FILIP1L: variants seen among roughly 807,000 people sequenced by gnomAD.
FILIP1L encodes the protein filamin A-interacting protein 1-like.
FILIP1L carries 55 observed loss-of-function variants against 96.6 expected under a neutral mutation model. That is an observed-to-expected ratio of 0.57 (90% confidence interval 0.46 to 0.71). FILIP1L has a LOEUF of 0.71. Among genes scored for constraint, FILIP1L ranks in the 30% least tolerant of loss-of-function variants. The pLI is 0.00. For synonymous variants in FILIP1L, 467 were observed against 473.9 expected (o/e 0.99, Z 0.19); for missense variants, 1,304 against 1,321.2 (o/e 0.99, Z 0.20).
chr3:100,064,332 A>G (rs1436620145), intron 1 of FILIP1L, among the ~76,000 whole-genome samples: 5 of 151,616 alleles, frequency 3.3e-5, no homozygotes, highest in Non-Finnish European at 5.9e-5. Context: ...TAAAGGACCA[A>G]TTTGCCACCA....
At chr3:99,858,591 GT>G (rs1459645847) in intron 4 of FILIP1L, among the ~76,000 whole-genome samples, 1 of 152,190 alleles carries the variant, frequency 6.6e-6, no homozygotes, top group Admixed American at 6.5e-5. Flanking sequence ...GAGTTGCATT[GT>G]TTTACATTTC....
At chr3:99,880,572 A>G (rs1705691855) in intron 4 of FILIP1L, among the ~76,000 whole-genome samples, 1 of 152,226 alleles carries the variant, frequency 6.6e-6, no homozygotes, top group Non-Finnish European at 1.5e-5. Flanking sequence ...TGATTACAGT[A>G]GTAGTGTCCA....
chr3:99,991,130 A>G (rs1471686752), intron 1 of FILIP1L, among the ~76,000 whole-genome samples: 1 of 152,204 alleles, frequency 6.6e-6, no homozygotes, highest in Non-Finnish European at 1.5e-5. Flanking sequence ...CCATAATGGA[A>G]TATAACAGGA....
chr3:99,960,437 G>C (rs1201365061), intron 1 of FILIP1L, among the ~76,000 whole-genome samples: 1 of 152,168 alleles, frequency 6.6e-6, no homozygotes, highest in Non-Finnish European at 1.5e-5. Flanking sequence ...CCAAGTGTTT[G>C]TCCCTACCCA....
At chr3:99,890,739 TC>T (rs1283077557) in intron 4 of FILIP1L, among the ~76,000 whole-genome samples, 11 of 152,098 alleles carry the variant, frequency 7.2e-5, no homozygotes, top group Non-Finnish European at 1.3e-4. Flanking sequence ...TTTTTTTTTT[TC>T]TGACATATTA....
intron 3 of FILIP1L, among the ~76,000 whole-genome samples, chr3:99,926,451 T>G (rs934985061): frequency 5.3e-5 from 8 of 152,224 alleles, no homozygotes; most frequent in Middle Eastern, 3.2e-3. Flanking sequence ...CTCTGAAAAT[T>G]TTATCTTCAG....
intron 1 of FILIP1L, among the ~76,000 whole-genome samples, chr3:100,091,233 C>T (rs1228629658): frequency 6.8e-6 from 1 of 147,410 alleles, no homozygotes; most frequent in Non-Finnish European, 1.5e-5. Context: ...TGCAGTGAGC[C>T]GAGATTGCGC....
chr3:99,876,253 T>A, intron 4 of FILIP1L: 1 of 982,850 alleles, frequency 1.0e-6, no homozygotes, highest in Non-Finnish European at 1.2e-6. Context: ...TGTGCGGCGC[T>A]GTCGGCGGGG....
chr3:100,030,548 G>T (rs549110333), intron 1 of FILIP1L, among the ~76,000 whole-genome samples: 24 of 152,216 alleles, frequency 1.6e-4, no homozygotes, highest in Admixed American at 1.3e-3. Flanking sequence ...TTTTCCCGTT[G>T]AGAGCACCTG....
intron 1 of FILIP1L, among the ~76,000 whole-genome samples, chr3:100,036,286 AG>A (rs1186642045): frequency 6.6e-6 from 1 of 152,200 alleles, no homozygotes; most frequent in African/African-American, 2.4e-5. Flanking sequence ...TTCTTGGAGA[AG>A]TAGCTGACTG....
At chr3:100,019,204 A>G (rs1388352840) in intron 1 of FILIP1L, among the ~76,000 whole-genome samples, 1 of 152,172 alleles carries the variant, frequency 6.6e-6, no homozygotes, top group Non-Finnish European at 1.5e-5. Flanking sequence ...ATCAGTGTCA[A>G]AGCAAAAAGT....
chr3:100,080,886 C>T (rs1031371813), intron 1 of FILIP1L, among the ~76,000 whole-genome samples: 4 of 152,206 alleles, frequency 2.6e-5, no homozygotes, highest in Non-Finnish European at 1.5e-5. Context: ...GTTACCAAAG[C>T]AATCCCTTTG....
intron 1 of FILIP1L, among the ~76,000 whole-genome samples, chr3:99,979,492 G>A (rs180947216): frequency 6.6e-6 from 1 of 152,144 alleles, no homozygotes; most frequent in Non-Finnish European, 1.5e-5. Context: ...TTGGAGTCAG[G>A]TTGTTCATAG....
At chr3:100,091,808 T>C (rs2066115159) in intron 1 of FILIP1L, among the ~76,000 whole-genome samples, 1 of 152,252 alleles carries the variant, frequency 6.6e-6, no homozygotes, top group Non-Finnish European at 1.5e-5. Flanking sequence ...GATTATTTGC[T>C]CAGCGTCTCC....
intron 1 of FILIP1L, among the ~76,000 whole-genome samples, chr3:100,097,905 C>T (rs565903906): frequency 6.6e-6 from 1 of 152,298 alleles, no homozygotes; most frequent in Admixed American, 6.5e-5. Flanking sequence ...TATTTTTACT[C>T]AGTAGAAACT....
chr3:99,973,720 A>G (rs1043011596), intron 1 of FILIP1L, among the ~76,000 whole-genome samples: 1 of 152,160 alleles, frequency 6.6e-6, no homozygotes, highest in Non-Finnish European at 1.5e-5. Context: ...GCACTCAAAA[A>G]CCTATTTAAG....
intron 1 of FILIP1L, among the ~76,000 whole-genome samples, chr3:99,965,092 T>TTC (rs1708609720): frequency 6.6e-6 from 1 of 152,240 alleles, no homozygotes; most frequent in African/African-American, 2.4e-5. Context: ...TTTCTAGTAA[T>TTC]TACCTTGAAA....
chr3:99,838,489 C>T (rs1171298113), intron 5 of FILIP1L, among the ~76,000 whole-genome samples: 1 of 152,154 alleles, frequency 6.6e-6, no homozygotes, highest in African/African-American at 2.4e-5. Context: ...GGAGAAAGCC[C>T]TGCATATGTT....
intron 1 of FILIP1L, among the ~76,000 whole-genome samples, chr3:100,048,799 A>G (rs766466322): frequency 3.9e-5 from 6 of 152,076 alleles, no homozygotes; most frequent in African/African-American, 9.7e-5. Context: ...CTCCTAGGAC[A>G]TTTTCTTTCT....
Sources: allele counts gnomAD v4.1 joint callset (sites outside exome capture counted in the v4.1 genomes callset), GRCh38; gene constraint gnomAD v4.1.1; transcripts MANE v1.5; gene names NCBI Gene and HGNC (gene_info 2026-07-23, HGNC 2026-07-21).